RAB37: variants seen among roughly 807,000 people sequenced by gnomAD.
The protein encoded by RAB37 is ras-related protein Rab-37.
RAB37 carries 29 observed loss-of-function variants against 33.1 expected under a neutral mutation model. The observed-to-expected ratio is 0.88, with a 90% CI of 0.65 to 1.20. The LOEUF is 1.20. Among genes scored for constraint, RAB37 ranks in the 50% most tolerant of loss-of-function variants. RAB37 has a pLI of 0.00. For synonymous variants in RAB37, 128 were observed against 119.5 expected, an observed-to-expected ratio of 1.07 and a Z score of -0.47; for missense variants, 299 against 301.1, an observed-to-expected ratio of 0.99 and a Z score of 0.05.
intron 1 of RAB37, among the ~76,000 whole-genome samples, chr17:74,725,484 T>G (rs2034294437): frequency 6.6e-6 from 1 of 152,112 alleles, no homozygotes; most frequent in Admixed American, 6.6e-5. Flanking sequence ...ACACCTCGCT[T>G]CATGGGGAGG....
chr17:74,744,529 T>A lies in RAB37; in HGVS notation c.432+156T>A. ...AGACATATCTGGAGGCTTCTGCCCA[T>A]CCCATCTGCCCCTTCCAGGGAAAGT... On this transcript the variant is annotated intron_variant, in intron 6 of 8. Transcript: ENST00000392613. This position sits in a 1 kb window ranked among gnomAD's most constrained non-coding sequence, Gnocchi z 4.2. 3 of 715,620 alleles carry A rather than the reference T, an allele frequency of 4.2e-6. No individual in the cohort carries two copies. The highest frequency in any genetic ancestry group is 7.2e-6 in the Non-Finnish European group (3 of 417,490). 44.3% of individuals were successfully genotyped at this position (715,620 alleles called of 1,614,324 possible). A position where few individuals can be genotyped will look rare whatever the true frequency, so the allele number is the denominator to read the frequency against.
chr17:74,735,460 T>C (rs374843632), upstream of RAB37, among the ~76,000 whole-genome samples: 50 of 152,232 alleles, frequency 3.3e-4, no homozygotes, highest in South Asian at 9.5e-3. Context: ...TGCTTGAACC[T>C]GGGAGGCAGA....
chr17:74,740,290 C>T (rs2034581241), intron 1 of RAB37, among the ~76,000 whole-genome samples: 1 of 152,126 alleles, frequency 6.6e-6, no homozygotes, highest in Non-Finnish European at 1.5e-5. Flanking sequence ...TGATAGACTC[C>T]CTTGGGTGGG....
intron 1 of RAB37, among the ~76,000 whole-genome samples, chr17:74,701,530 T>C (rs2143701527): frequency 6.6e-6 from 1 of 152,290 alleles, no homozygotes; most frequent in South Asian, 2.1e-4. Flanking sequence ...AACTTTCAAA[T>C]CAGAGGGTAT....
Position 74,742,147 on chromosome 17 carries a change from C to A in RAB37, c.205-107C>A. 1 of 1,386,370 alleles carries A rather than the reference C, an allele frequency of 7.2e-7. No homozygotes were observed. The allele number at this position is 1,386,370 out of a possible 1,614,324, so 85.9% of individuals were successfully genotyped here. ...GATCTGGCTGGAGACGGTTCTGGGG[C>A]TCACTGCACCCACTCTAGGCCTGGA... On this transcript the variant is annotated intron_variant, in intron 2 of 8. Coordinates refer to ENST00000392613, the MANE Select transcript of RAB37 (RefSeq NM_001006638.3). This position sits in a 1 kb window ranked among gnomAD's most constrained non-coding sequence, Gnocchi z 4.0.
chr17:74,734,438 T>C (rs2034436493), upstream of RAB37, among the ~76,000 whole-genome samples: 1 of 152,234 alleles, frequency 6.6e-6, no homozygotes, highest in Non-Finnish European at 1.5e-5. Context: ...TCAACCTGTC[T>C]TTGGGGGACA....
chr17:74,725,519 G>A (rs1420029549), intron 1 of RAB37, among the ~76,000 whole-genome samples: 1 of 152,154 alleles, frequency 6.6e-6, no homozygotes, highest in Non-Finnish European at 1.5e-5. Context: ...GCAGGCCTAA[G>A]GGAGGTCCTA....
chr17:74,682,277 C>T (rs909971056), intron 1 of RAB37, among the ~76,000 whole-genome samples: 1 of 152,108 alleles, frequency 6.6e-6, no homozygotes, highest in African/African-American at 2.4e-5. Context: ...CAGCTGACAT[C>T]GAGCTCAGCT....
At chr17:74,705,913 A>T (rs1277238515) in intron 1 of RAB37, among the ~76,000 whole-genome samples, 2 of 152,202 alleles carry the variant, frequency 1.3e-5, no homozygotes, top group Non-Finnish European at 2.9e-5. Context: ...CTTAAAATAC[A>T]TGTTTTCCTT....
intron 3 of RAB37, 124 bp from the exon 4 acceptor site, chr17:74,743,005 C>A: frequency 1.2e-6 from 1 of 803,254 alleles, no homozygotes; most frequent in Non-Finnish European, 2.1e-6. Context: ...CTCATGAGAA[C>A]CTAAAGAAGA....
In RAB37 at chr17:74,706,283, AT is replaced by A. The variant is rs1267824163; in HGVS notation, c.73-22972del. ...AAAAACATTTTAAAGGAAAAAAAAA[AT>A]ATATATATATATATATCCCAAAGTG... is the stretch of plus-strand genomic sequence containing the variant. On this transcript the variant is annotated intron_variant, in intron 1 of 7. Transcript: ENST00000340415. 5.7e-3 allele frequency among the ~76,000 whole-genome samples: 738 copies of A among 129,984 alleles called. 6 individuals carry two copies. The highest frequency in any genetic ancestry group is 0.021 in the African/African-American group (652 of 30,682). 85.3% of individuals were successfully genotyped at this position (129,984 alleles called of 152,430 possible).
chr17:74,709,474 A>G (rs993852664), intron 1 of RAB37, among the ~76,000 whole-genome samples: 1 of 152,232 alleles, frequency 6.6e-6, no homozygotes, highest in Admixed American at 6.5e-5. Flanking sequence ...ATTTGTTAAC[A>G]TGGATGTTGA....
intron 1 of RAB37, among the ~76,000 whole-genome samples, chr17:74,700,815 C>CA (rs2032983738): frequency 1.3e-5 from 2 of 152,084 alleles, no homozygotes; most frequent in Admixed American, 1.3e-4. Flanking sequence ...ACCACCCCCC[C>CA]ACCCCAATCC....
chr17:74,740,939 G>A, intron 2 of RAB37, 61 bp downstream of exon 2: 1 of 1,308,722 alleles, frequency 7.6e-7, no homozygotes, highest in Non-Finnish European at 1.1e-6. Flanking sequence ...CAGGCATGGG[G>A]GGGTTGCCCC....
intron 1 of RAB37, among the ~76,000 whole-genome samples, chr17:74,684,899 A>AGATC (rs1555580082): frequency 5.5e-4 from 82 of 148,092 alleles, no homozygotes; most frequent in African/African-American, 1.2e-3. Context: ...ATAGATAGAT[A>AGATC]GATCCATCAT....
chr17:74,745,228 T>G lies in RAB37; in HGVS notation c.567-78T>G, dbSNP rs906799608. On this transcript the variant is annotated intron_variant, in intron 8 of 8. Transcript: ENST00000392613. This position sits in a 1 kb window ranked among gnomAD's most constrained non-coding sequence, Gnocchi z 4.5. ...ATTTGCTCTGGGAGCACTGGGCCAC[T>G]GGGAGAGGGGAGGGGGCGGCTCAGC... 1 of 1,542,828 alleles carries G rather than the reference T, an allele frequency of 6.5e-7. No homozygotes were observed.
rs142945614 is a variant in RAB37, at chr17:74,676,450, G to A, written c.72+4792G>A. Among the ~76,000 whole-genome samples, 219 of 152,196 alleles carry A rather than the reference G, an allele frequency of 1.4e-3. No homozygotes were observed. The highest frequency in any genetic ancestry group is 4.9e-3 in the African/African-American group (202 of 41,524). On this transcript the variant is annotated intron_variant, in intron 1 of 7. Transcript: ENST00000340415. The surrounding 1 kb of genome is among the most constrained non-coding windows in gnomAD (Gnocchi z 4.1). ...CTTCCAAAGTATGTCCATTTCCTCC[G>A]ACTGCTCTAACACCTCTTCTGGGTG...
chr17:74,692,722 T>G (rs2032185211), intron 1 of RAB37, among the ~76,000 whole-genome samples: 1 of 151,790 alleles, frequency 6.6e-6, no homozygotes, highest in Non-Finnish European at 1.5e-5. Context: ...GCCCCTCATC[T>G]CTCCTCAATT....
chr17:74,722,302 AAG>A (rs1175761844), intron 1 of RAB37, among the ~76,000 whole-genome samples: 5 of 151,938 alleles, frequency 3.3e-5, no homozygotes, highest in African/African-American at 4.8e-5. Flanking sequence ...AAAAAAAAGA[AAG>A]AGAGAGAGAT....
Sources: gnomAD v4.1 joint callset for allele counts (sites outside exome capture counted in the v4.1 genomes callset) on GRCh38, gnomAD v4.1.1 for gene constraint, Gnocchi (gnomAD v3.1) non-coding constraint, MANE v1.5 for transcripts, NCBI Gene and HGNC (gene_info 2026-07-23, HGNC 2026-07-21) for gene names.